The following RAD54L variants were observed in gnomAD, a reference collection of about 807,000 sequenced individuals.
RAD54L encodes the protein DNA repair and recombination protein RAD54-like.
In RAD54L, 74 loss-of-function variants were observed where a neutral mutation model predicts 91.6. The ratio of observed to expected loss-of-function variants is 0.81; its 90% CI spans 0.67 to 0.98. The LOEUF (loss-of-function observed/expected upper bound fraction) is 0.98, where lower values mean the gene tolerates loss of function less well. Among genes scored for constraint, RAD54L ranks in the 50% least tolerant of loss-of-function variants. RAD54L has a pLI of 0.00. For synonymous variants in RAD54L, 304 were observed against 349.7 expected, an observed-to-expected ratio of 0.87 and a Z score of 1.46; for missense variants, 887 against 945.7, an observed-to-expected ratio of 0.94 and a Z score of 0.81.
chr1:46,274,003 G>A, intron 14 of RAD54L, 135 bp from the exon 15 acceptor site: 1 of 1,023,596 alleles, frequency 9.8e-7, no homozygotes, highest in South Asian at 1.4e-5. Context: ...CCTCAAGCAT[G>A]GTTATTTCAG....
rs1415795271 is a variant in RAD54L, at chr1:46,272,540, G to A, written c.1244G>A (p.Arg415Lys). 1.2e-6 allele frequency: 2 copies of A among 1,610,968 alleles called. No individual in the cohort carries two copies. Among genetic ancestry groups the A allele is most frequent in the African/African-American group, 2.7e-5 (2 of 74,824 alleles). ...AAGATTGAGCAGGTCGTTTGTTGTA[G>A]GTACTGAACTCAACTGAAAGATGTG... is the stretch of plus-strand genomic sequence containing the variant. ...PVKIEQVVCC[R>K]LTPLQTELYK... Residue 415 changes from arginine to lysine, a missense_variant and splice_region_variant, in exon 11 of 18, where the codon AGG becomes AAG. Transcript: ENST00000371975.
intron 16 of RAD54L, chr1:46,277,441 A>G (rs867976912): frequency 1.5e-5 from 5 of 327,750 alleles, no homozygotes; most frequent in South Asian, 1.4e-4. Context: ...TTGTATGCTA[A>G]TGTCAGCACA....
In RAD54L at chr1:46,272,529, C is replaced by T. The variant is rs1385828318; in HGVS notation, c.1233C>T (p.Val411=). Residue 411 remains valine (V), a synonymous_variant, in exon 11 of 18, where the codon GTC becomes GTT. Coordinates refer to ENST00000371975, the MANE Select transcript of RAD54L (RefSeq NM_003579.4). ...SKYLPVKIEQ[V]VCCRLTPLQT... ...ATCTGCCTGTGAAGATTGAGCAGGT[C>T]GTTTGTTGTAGGTACTGAACTCAAC... 8 of 1,611,900 alleles carry T rather than the reference C, an allele frequency of 5.0e-6. No individual in the cohort carries two copies. The highest frequency in any genetic ancestry group is 1.7e-5 in the Admixed American group (1 of 60,012).
In RAD54L at chr1:46,278,385, T is replaced by C. The variant is rs1660688271; in HGVS notation, c.*103T>C. On this transcript the variant is annotated 3_prime_UTR_variant, in exon 18 of 18. Transcript: ENST00000371975. The stretch of plus-strand genomic sequence containing the variant: ...AATTTTGTTCTCTGGGAGAAAATCA[T>C]CAAGAAGGGCTGCATGATGTTTGCC... 1.5e-6 allele frequency: 2 copies of C among 1,305,868 alleles called. No individual in the cohort carries two copies. The allele number at this position is 1,305,868 out of a possible 1,614,324, so 80.9% of individuals were successfully genotyped here. A position where few individuals can be genotyped will look rare whatever the true frequency, so the allele number is the denominator to read the frequency against.
rs369179043 is a variant in RAD54L at position 46,273,662 on chromosome 1, C to T, written c.1525C>T (p.Arg509Ter). ...LVLDYILAVT[R>*]SRSSDKVVLV... ...CCTGGATTATATTCTGGCGGTGACC[C>T]GAAGCCGTAGCAGTGACAAAGTAGT... is the stretch of plus-strand genomic sequence containing the variant. Residue 509 changes from arginine to a stop codon, truncating the protein, a stop_gained, in exon 14 of 18, where the codon CGA becomes TGA. Transcript: ENST00000371975. LOFTEE classifies it high-confidence loss of function. 1.1e-4 allele frequency: 182 copies of T among 1,613,798 alleles called. No individual in the cohort carries two copies. The highest frequency in any genetic ancestry group is 1.4e-4 in the Non-Finnish European group (171 of 1,180,008).
chr1:46,250,172 T>A, intron 3 of RAD54L, 53 bp downstream of exon 3: 2 of 1,609,878 alleles, frequency 1.2e-6, no homozygotes, highest in Admixed American at 3.3e-5. Context: ...TCACTCAGCC[T>A]AGGTAGACTC....
intron 10 of RAD54L, among the ~76,000 whole-genome samples, chr1:46,272,054 T>TTTTTTG: frequency 1.8e-5 from 2 of 110,214 alleles, no homozygotes; most frequent in Non-Finnish European, 4.0e-5. Context: ...TTTTTTTTTT[T>TTTTTTG]TTTTTGAGAT....
At chr1:46,256,317 G>T (rs905471085) in intron 3 of RAD54L, among the ~76,000 whole-genome samples, 1 of 152,096 alleles carries the variant, frequency 6.6e-6, no homozygotes, top group Admixed American at 6.6e-5. Context: ...GGGCTTAAGC[G>T]GTCCTCCCAC....
At position 46,272,527 on chromosome 1, in the gene RAD54L, G is replaced by T. The variant is rs759610527; in HGVS notation, c.1231G>T (p.Val411Phe). 1.9e-6 allele frequency: 3 copies of T among 1,612,126 alleles called. No homozygotes were observed. The highest frequency in any genetic ancestry group is 2.2e-5 in the South Asian group (2 of 91,052). The change falls in exon 11 of 18, where the codon GTC (valine) becomes TTC (phenylalanine). Residue 411 changes from valine to phenylalanine, a missense_variant. Physicochemically the swap from Val to Phe is conservative, Grantham distance 50. Transcript: ENST00000371975. ...ATATCTGCCTGTGAAGATTGAGCAG[G>T]TCGTTTGTTGTAGGTACTGAACTCA... ...SKYLPVKIEQ[V>F]VCCRLTPLQT...
rs1012582089 is a variant in RAD54L, at chr1:46,266,212, G to A, written c.892-1247G>A. 1.1e-4 allele frequency among the ~76,000 whole-genome samples: 16 copies of A among 152,216 alleles called. No individual in the cohort carries two copies. The East Asian group carries it at 2.1e-3, about 20-fold the overall frequency. ...GTGACAAGGTCAGGATTCCTGGACCGTGACAAGCTTGGAGAGTGTCAGAGA... is the reference window on the plus strand; with the variant it reads ...GTGACAAGGTCAGGATTCCTGGACCATGACAAGCTTGGAGAGTGTCAGAGA... On this transcript the variant is annotated intron_variant, in intron 8 of 17. Transcript: ENST00000371975.
At position 46,260,450 on chromosome 1, in the gene RAD54L, T is replaced by A; in HGVS notation, c.408-92T>A. The A allele has an allele frequency of 3.1e-6, 4 of 1,279,212 alleles. No individual in the cohort carries two copies. The South Asian group carries it at 4.8e-5, about 15-fold the overall frequency. 79.2% of individuals were successfully genotyped at this position (1,279,212 alleles called of 1,614,324 possible). On this transcript the variant is annotated intron_variant, in intron 5 of 17. Transcript: ENST00000371975. ...GAAGGTCTTCTTTTAGGCAGCTGCC[T>A]CTGTTGCCTCCGGATCAGCAGGACA...
rs1391067009 is a variant in RAD54L, at chr1:46,250,128, G to A, written c.210+9G>A. 6.2e-7 allele frequency: 1 copy of A among 1,614,086 alleles called. No individual in the cohort carries two copies. Among genetic ancestry groups the A allele is most frequent in the South Asian group, 1.1e-5 (1 of 91,076 alleles). On this transcript the variant is annotated intron_variant, in intron 3 of 17. Transcript: ENST00000371975. ...TGGACAGCAGTCAGCATGTAAGCCA[G>A]AACTGCAACCTGCATGTGTATGTCT... is the stretch of plus-strand genomic sequence containing the variant.
At chr1:46,255,847 C>T (rs1263538513) in intron 3 of RAD54L, among the ~76,000 whole-genome samples, 2 of 152,054 alleles carry the variant, frequency 1.3e-5, no homozygotes, top group Non-Finnish European at 2.9e-5. Flanking sequence ...GGCCAGGGGT[C>T]TCCACATTCT....
At position 46,268,064 on chromosome 1, in the gene RAD54L, T is replaced by A. The variant is rs375387393; in HGVS notation, c.1042+455T>A. On this transcript the variant is annotated intron_variant, in intron 9 of 17. Transcript: ENST00000371975. Reference sequence around the variant, plus strand: ...TCACCATCATCCATCTTCAGATTTTTTTTTTCTATTTGCTAAACTTAAAAT... The same window carrying A: ...TCACCATCATCCATCTTCAGATTTTATTTTTCTATTTGCTAAACTTAAAAT... Among the ~76,000 whole-genome samples the A allele has an allele frequency of 4.9e-4, 74 of 152,340 alleles. 1 individual carries two copies. In the South Asian group the frequency reaches 0.014, roughly 29 times the overall value.
chr1:46,275,995 C>A (rs892105435), intron 16 of RAD54L, among the ~76,000 whole-genome samples: 13 of 151,968 alleles, frequency 8.6e-5, no homozygotes, highest in African/African-American at 3.1e-4. Context: ...GGAAACTCCA[C>A]TCTGGTTCTT....
At chr1:46,277,455 T>A (rs535796890) in intron 16 of RAD54L, 1 of 351,772 alleles carries the variant, frequency 2.8e-6, no homozygotes, top group Non-Finnish European at 5.4e-6. Flanking sequence ...CAGCACAGGG[T>A]CTGGAATAGA....
chr1:46,270,793 C>T lies in RAD54L; in HGVS notation c.1169+8C>T. 6.2e-7 allele frequency: 1 copy of T among 1,613,908 alleles called. No homozygotes were observed. Among genetic ancestry groups the T allele is most frequent in the Non-Finnish European group, 8.5e-7 (1 of 1,179,862 alleles). ...CACCAGCATTGTGAATAGGTAATGA[C>T]CTTAAGCGAAGTCATTAGAATTGCC... On this transcript the variant is annotated splice_region_variant and intron_variant, in intron 10 of 17. Transcript: ENST00000371975.
At chr1:46,248,853 G>A (rs1659725776) in intron 2 of RAD54L, among the ~76,000 whole-genome samples, 1 of 152,116 alleles carries the variant, frequency 6.6e-6, no homozygotes, top group Non-Finnish European at 1.5e-5. Flanking sequence ...AGTTGGATTG[G>A]ACCTTTTGAC....
At chr1:46,270,627 A>T in intron 9 of RAD54L, 32 bp from the exon 10 acceptor site, 1 of 1,612,258 alleles carries the variant, frequency 6.2e-7, no homozygotes, top group African/African-American at 1.3e-5. Context: ...CCTTTTCCAC[A>T]TTCTTCTGTT....
Sources: allele counts gnomAD v4.1 joint callset (sites outside exome capture counted in the v4.1 genomes callset), GRCh38; gene constraint gnomAD v4.1.1; transcripts MANE v1.5; gene names NCBI Gene and HGNC (gene_info 2026-07-23, HGNC 2026-07-21).